The following ROR1 variants were observed in gnomAD, a reference collection of about 807,000 sequenced individuals.
ROR1 encodes inactive tyrosine-protein kinase transmembrane receptor ROR1.
In ROR1, 19 loss-of-function variants were observed where a neutral mutation model predicts 78.8. That is an observed-to-expected ratio of 0.24 (90% CI 0.17 to 0.35). The LOEUF is 0.35. Among genes scored for constraint, ROR1 ranks in the 10% least tolerant of loss-of-function variants. ROR1 has a pLI of 1.00. For synonymous variants in ROR1, 386 were observed against 433.6 expected, an observed-to-expected ratio of 0.89 and a Z score of 1.36; for missense variants, 917 against 1,177.8, an observed-to-expected ratio of 0.78 and a Z score of 3.24.
chr1:63,788,898 C>A (rs374160116), intron 1 of ROR1: 1 of 883,162 alleles, frequency 1.1e-6, no homozygotes, highest in Non-Finnish European at 1.8e-6. Context: ...CCATGAGAAT[C>A]GCTTGTTTTT....
At chr1:64,073,762 A>G (rs765495634) in intron 4 of ROR1, among the ~76,000 whole-genome samples, 2 of 152,070 alleles carry the variant, frequency 1.3e-5, no homozygotes, top group Non-Finnish European at 2.9e-5. Context: ...AGAGCTCTGA[A>G]GGAAAGCCAC....
At chr1:64,034,826 A>G (rs1646688892) in intron 2 of ROR1, among the ~76,000 whole-genome samples, 1 of 152,232 alleles carries the variant, frequency 6.6e-6, no homozygotes, top group Admixed American at 6.5e-5. Context: ...AAAGGAAGAA[A>G]TGGAACTAAT....
intron 2 of ROR1, among the ~76,000 whole-genome samples, chr1:64,038,246 CG>C (rs1381349425): frequency 1.3e-5 from 2 of 152,100 alleles, no homozygotes; most frequent in African/African-American, 4.8e-5. Flanking sequence ...GGGGTTTCTC[CG>C]CCTCTCCACT....
intron 8 of ROR1, among the ~76,000 whole-genome samples, chr1:64,159,560 A>T (rs1649878323): frequency 6.6e-6 from 1 of 152,218 alleles, no homozygotes; most frequent in Admixed American, 6.5e-5. Flanking sequence ...AACAAGATCC[A>T]TCATTGTTCA....
chr1:64,119,467 C>T (rs1263360125), intron 4 of ROR1, among the ~76,000 whole-genome samples: 1 of 151,808 alleles, frequency 6.6e-6, no homozygotes, highest in Admixed American at 6.6e-5. Context: ...GGTGAAACCT[C>T]GTCTCTACTA....
chr1:63,919,338 G>T (rs920951026), intron 1 of ROR1, among the ~76,000 whole-genome samples: 1 of 152,002 alleles, frequency 6.6e-6, no homozygotes, highest in Non-Finnish European at 1.5e-5. Flanking sequence ...TTTAATGGCC[G>T]CTACCGAGAG....
chr1:63,789,297 A>G (rs1450760987), intron 1 of ROR1: 1 of 537,036 alleles, frequency 1.9e-6, no homozygotes, highest in African/African-American at 1.9e-5. Context: ...AAGCCTGAGC[A>G]TACTCATGGC....
intron 1 of ROR1, among the ~76,000 whole-genome samples, chr1:63,797,852 C>A (rs1256148148): frequency 2.2e-5 from 3 of 135,034 alleles, no homozygotes; most frequent in Non-Finnish European, 4.6e-5. Flanking sequence ...TGATTGTAGT[C>A]TTGTCTTTTT....
At chr1:63,939,670 C>A (rs1350156772) in intron 1 of ROR1, among the ~76,000 whole-genome samples, 1 of 152,146 alleles carries the variant, frequency 6.6e-6, no homozygotes, top group African/African-American at 2.4e-5. Flanking sequence ...GAACATTATA[C>A]CTCTCTGAAA....
At chr1:63,905,740 A>T (rs115563313) in intron 1 of ROR1, among the ~76,000 whole-genome samples, 3 of 152,288 alleles carry the variant, frequency 2.0e-5, no homozygotes, top group African/African-American at 4.8e-5. Flanking sequence ...TAGGAAGAAG[A>T]AGGTGCAGAT....
chr1:63,883,582 GT>G (rs1645337451), intron 1 of ROR1, among the ~76,000 whole-genome samples: 1 of 152,292 alleles, frequency 6.6e-6, no homozygotes, highest in East Asian at 1.9e-4. Context: ...GTTAAAACCT[GT>G]GTTATGACTG....
At chr1:63,846,295 C>T (rs923308256) in intron 1 of ROR1, among the ~76,000 whole-genome samples, 1 of 152,062 alleles carries the variant, frequency 6.6e-6, no homozygotes, top group Non-Finnish European at 1.5e-5. Context: ...ACTCAATGCA[C>T]CTTTTCTTTG....
At chr1:64,156,392 C>T (rs1649772292) in intron 7 of ROR1, among the ~76,000 whole-genome samples, 1 of 152,168 alleles carries the variant, frequency 6.6e-6, no homozygotes, top group African/African-American at 2.4e-5. Flanking sequence ...CTACGACGGC[C>T]TCCAGTGATG....
intron 1 of ROR1, among the ~76,000 whole-genome samples, chr1:63,876,665 T>G (rs941230679): frequency 7.8e-6 from 1 of 128,718 alleles, no homozygotes; most frequent in Admixed American, 7.1e-5. Flanking sequence ...TGTGTGTGTG[T>G]GTGTGTGTGT....
intron 1 of ROR1, among the ~76,000 whole-genome samples, chr1:63,903,434 G>GTT (rs928160138): frequency 2.1e-5 from 3 of 145,694 alleles, no homozygotes; most frequent in African/African-American, 7.5e-5. Context: ...TCCATTTTAG[G>GTT]TTTTTTTTTT....
At chr1:64,167,292 A>G (rs916778695) in intron 8 of ROR1, among the ~76,000 whole-genome samples, 2 of 152,216 alleles carry the variant, frequency 1.3e-5, no homozygotes, top group East Asian at 1.9e-4. Flanking sequence ...ATTATAAAGT[A>G]ACTCAACCAC....
intron 1 of ROR1, among the ~76,000 whole-genome samples, chr1:63,840,501 C>T (rs531685639): frequency 5.9e-5 from 9 of 151,964 alleles, no homozygotes; most frequent in Admixed American, 1.3e-4. Flanking sequence ...AGGCTGGTCT[C>T]GAACTCTTGA....
intron 1 of ROR1, among the ~76,000 whole-genome samples, chr1:63,860,658 A>G (rs1005642675): frequency 1.3e-5 from 2 of 151,142 alleles, no homozygotes; most frequent in Non-Finnish European, 2.9e-5. Context: ...AATCCCAGCT[A>G]CTCAAGAGGG....
intron 1 of ROR1, among the ~76,000 whole-genome samples, chr1:63,956,586 A>T (rs911353448): frequency 7.2e-5 from 11 of 152,212 alleles, no homozygotes; most frequent in African/African-American, 2.4e-4. Flanking sequence ...CCACTAATTC[A>T]GTGTGTCTGA....
Sources: allele counts gnomAD v4.1 joint callset (sites outside exome capture counted in the v4.1 genomes callset), GRCh38; gene constraint gnomAD v4.1.1; transcripts MANE v1.5; gene names NCBI Gene and HGNC (gene_info 2026-07-23, HGNC 2026-07-21).